The following VWF variants were observed in gnomAD, a reference collection of about 807,000 sequenced individuals.
The protein encoded by VWF is von Willebrand factor.
Under a neutral mutation model 308.6 loss-of-function variants are expected in VWF, and 176 were observed. That is an observed-to-expected ratio of 0.57 (90% CI 0.50 to 0.65). The LOEUF (loss-of-function observed/expected upper bound fraction) is 0.65. VWF is among the 30% of genes least tolerant of loss of function. The pLI, the probability that VWF is intolerant of heterozygous loss-of-function variation, is 0.00. For missense variants in VWF, 3,146 were observed against 3,648.2 expected (o/e 0.86, Z 3.55); for synonymous variants, 1,385 against 1,443.4 (o/e 0.96, Z 0.92).
In VWF at chr12:5,949,030, C is replaced by A; in HGVS notation, c.8427G>T (p.Arg2809Ser). 6.2e-7 allele frequency: 1 copy of A among 1,613,454 alleles called. No homozygotes were observed. The highest frequency in any genetic ancestry group is 1.1e-5 in the South Asian group (1 of 90,936). Residue 2809 changes from arginine (R) to serine (S), a missense_variant, in exon 52 of 52, where the codon AGG becomes AGT. By Grantham distance (110) the Arg-to-Ser change is moderately radical (BLOSUM62 -1). Around this residue, in one of 3 missense-constraint regions of VWF, gnomAD observed 989 missense variants for 1,117.4 expected, o/e 0.89. Transcript: ENST00000261405. ...LNAMECKCSP[R>S]KCSK Reference sequence around the variant, plus strand: ...TGCAGCAGCCTCACTTGCTGCACTTCCTGGGGGAGCATTTGCACTCCATGG... The same window carrying A: ...TGCAGCAGCCTCACTTGCTGCACTTACTGGGGGAGCATTTGCACTCCATGG...
intron 18 of VWF, among the ~76,000 whole-genome samples, chr12:6,042,116 A>C (rs2136438128): frequency 1.3e-5 from 2 of 152,328 alleles, no homozygotes; most frequent in South Asian, 2.1e-4. Context: ...GTAAAGACTG[A>C]AGGATTGCAC....
rs746053613 is a variant in VWF at position 6,034,732 on chromosome 12, G to A, written c.2641C>T (p.Leu881Phe). 6.2e-7 allele frequency: 1 copy of A among 1,614,066 alleles called. No homozygotes were observed. The highest frequency in any genetic ancestry group is 1.3e-5 in the African/African-American group (1 of 74,928). ...CACTCCCCGGGGAACAGGTATTTGA[G>A]CCCGTCGAAGGTGAGGTAGTGGGCC... is the stretch of plus-strand genomic sequence containing the variant. ...GMAHYLTFDG[L>F]KYLFPGECQY... The change falls in exon 20 of 52, where the codon CTC becomes TTC. Residue 881 changes from leucine (L) to phenylalanine (F), a missense_variant. Transcript: ENST00000261405.
chr12:5,994,008 T>C lies in VWF; in HGVS notation c.6452A>G (p.His2151Arg), dbSNP rs1330984328. Residue 2151 changes from histidine to arginine, a missense_variant, in exon 37 of 52, where the codon CAC (histidine) becomes CGC (arginine). By Grantham distance (29) the His-to-Arg change is conservative. This residue lies in a region of VWF where 989 missense variants were observed against 1,117.4 expected (regional missense o/e 0.89). Transcript: ENST00000261405. The part of the protein sequence containing the change: ...VLLLPLFAEC[H>R]KVLAPATFYA... ...GAATGTGGCTGGAGCCAGGACCTTG[T>C]GGCATTCAGCAAACAGTGGTAAGAG... is the stretch of plus-strand genomic sequence containing the variant. The C allele has an allele frequency of 1.2e-6, 2 of 1,614,184 alleles. No homozygotes were observed. The highest frequency in any genetic ancestry group is 1.7e-6 in the Non-Finnish European group (2 of 1,180,046).
intron 2 of VWF, 151 bp from the exon 3 acceptor site, chr12:6,121,489 G>A (rs1945431045): frequency 2.1e-6 from 2 of 941,144 alleles, no homozygotes; most frequent in Non-Finnish European, 3.3e-6. Flanking sequence ...GACTAAAGCT[G>A]TTGCTTTCAG....
rs912252050 is a variant in VWF, at chr12:6,035,259, G to A, written c.2547-433C>T. ...TGGGAAAAACAAGACAGAACAGTGG[G>A]AAAGCCCAGAGTATAGAAAAGAGTG... On this transcript the variant is annotated intron_variant, in intron 19 of 51. Transcript: ENST00000261405. Among the ~76,000 whole-genome samples, 6 of 152,224 alleles carry A rather than the reference G, an allele frequency of 3.9e-5. No individual in the cohort carries two copies. The East Asian group carries it at 5.8e-4, about 15-fold the overall frequency.
chr12:5,994,182 G>T lies in VWF; in HGVS notation c.6278C>A (p.Ala2093Asp). 1 of 1,614,056 alleles carries T rather than the reference G, an allele frequency of 6.2e-7. No homozygotes were observed. Among genetic ancestry groups the T allele is most frequent in the Non-Finnish European group, 8.5e-7 (1 of 1,180,036 alleles). The change falls in exon 37 of 52, where the codon GCC (alanine) becomes GAC (aspartate). Residue 2093 changes from alanine (A) to aspartate (D), a missense_variant. By Grantham distance (126) the Ala-to-Asp change is moderately radical. Around this residue, in one of 3 missense-constraint regions of VWF, gnomAD observed 989 missense variants for 1,117.4 expected, o/e 0.89. Transcript: ENST00000261405. ...GLCGICDENG[A>D]NDFMLRDGTV... ...GCCATCCCTCAGCATGAAGTCATTG[G>T]CTCCGTTCTCATCACAGATCCCTAG...
At chr12:5,994,695 C>T in intron 35 of VWF, 88 bp from the exon 36 acceptor site, 1 of 1,179,016 alleles carries the variant, frequency 8.5e-7, no homozygotes, top group Non-Finnish European at 1.3e-6. Flanking sequence ...CCTGCACATT[C>T]ATCACACTCA....
intron 47 of VWF, 121 bp from the exon 48 acceptor site, chr12:5,953,715 A>G: frequency 1.2e-6 from 1 of 802,280 alleles, no homozygotes; most frequent in South Asian, 1.4e-5. Context: ...AGAATTCGGA[A>G]AGTCAACATC....
At chr12:6,039,510 G>A (rs554524932) in intron 18 of VWF, among the ~76,000 whole-genome samples, 8 of 152,200 alleles carry the variant, frequency 5.3e-5, no homozygotes, top group Non-Finnish European at 7.3e-5. Context: ...AAGCTTGCGA[G>A]GAGGAGAGTG....
Position 6,095,523 on chromosome 12 carries a change from C to G in VWF, c.594G>C (p.Gln198His), listed in dbSNP as rs1945096484. 1 of 1,614,084 alleles carries G rather than the reference C, an allele frequency of 6.2e-7. No individual in the cohort carries two copies. Among genetic ancestry groups the G allele is most frequent in the Admixed American group, 1.7e-5 (1 of 59,998 alleles). ...ANSWALSSGE[Q>H]WCERASPPSS... Reference sequence around the variant, plus strand: ...TGGGAGGAGATGCCCGTTCACACCACTGTTCTCCACTGCTCAGAGCCCATG... The same window carrying G: ...TGGGAGGAGATGCCCGTTCACACCAGTGTTCTCCACTGCTCAGAGCCCATG... The change falls in exon 6 of 52, where the codon CAG becomes CAC. Residue 198 changes from glutamine (Q) to histidine (H), a missense_variant. By Grantham distance (24) the Gln-to-His change is conservative. This residue lies in a region of VWF where 1,304 missense variants were observed against 1,353.0 expected (regional missense o/e 0.96). Coordinates refer to ENST00000261405, the MANE Select transcript of VWF (RefSeq NM_000552.5).
chr12:6,023,843 C>T (rs953352698), intron 24 of VWF, 56 bp from the exon 25 acceptor site: 1 of 1,596,338 alleles, frequency 6.3e-7, no homozygotes, highest in African/African-American at 1.3e-5. Flanking sequence ...GGAACTCTGG[C>T]TCTTAGTCTG....
chr12:5,971,407 G>A (rs1288830997), intron 44 of VWF, among the ~76,000 whole-genome samples, 192 bp downstream of exon 44: 2 of 152,210 alleles, frequency 1.3e-5, no homozygotes, highest in Non-Finnish European at 2.9e-5. Flanking sequence ...TACAAAATGG[G>A]AAGGCTGAGG....
intron 15 of VWF, among the ~76,000 whole-genome samples, chr12:6,053,537 C>G (rs1435015008): frequency 6.6e-6 from 1 of 152,198 alleles, no homozygotes; most frequent in Non-Finnish European, 1.5e-5. Context: ...GCCCACAGCC[C>G]TCACCCTCCC....
intron 5 of VWF, among the ~76,000 whole-genome samples, chr12:6,104,138 G>T (rs1371445990): frequency 6.6e-6 from 1 of 152,024 alleles, no homozygotes; most frequent in Non-Finnish European, 1.5e-5. Flanking sequence ...TTTTTCAAAG[G>T]AAGACATACA....
chr12:6,032,893 CACAT>C (rs112180021), intron 20 of VWF, among the ~76,000 whole-genome samples: 37,256 of 151,366 alleles, frequency 0.25, 4,823 homozygotes, highest in African/African-American at 0.29. Flanking sequence ...CACACGCATA[CACAT>C]ACATACACAC....
At chr12:5,969,482 T>C (rs1262223644) in intron 44 of VWF, 91 bp from the exon 45 acceptor site, 10 of 1,510,732 alleles carry the variant, frequency 6.6e-6, no homozygotes, top group Non-Finnish European at 9.1e-6. Context: ...GGAAGGTGGT[T>C]TCTAGACGTG....
chr12:6,006,071 CACA>C (rs1943922898), intron 34 of VWF, among the ~76,000 whole-genome samples: 1 of 152,152 alleles, frequency 6.6e-6, no homozygotes, highest in South Asian at 2.1e-4. Flanking sequence ...TTAATGAATA[CACA>C]ACATTAAAAA....
At chr12:6,106,600 G>A (rs1004941218) in intron 5 of VWF, among the ~76,000 whole-genome samples, 1 of 152,060 alleles carries the variant, frequency 6.6e-6, no homozygotes, top group South Asian at 2.1e-4. Context: ...TTGGCCAGGC[G>A]CGGTGGCTCA....
chr12:6,047,897 C>T (rs1435277468), intron 16 of VWF, among the ~76,000 whole-genome samples: 1 of 152,200 alleles, frequency 6.6e-6, no homozygotes, highest in Non-Finnish European at 1.5e-5. Flanking sequence ...CATCTGCAGA[C>T]ATGTGTCCTA....
Sources: allele counts gnomAD v4.1 joint callset (sites outside exome capture counted in the v4.1 genomes callset), GRCh38; gene constraint gnomAD v4.1.1; regional missense constraint gnomAD v4.1.1; transcripts MANE v1.5; gene names NCBI Gene and HGNC (gene_info 2026-07-23, HGNC 2026-07-21).